The following ATAD2B variants were observed in gnomAD, a reference collection of about 807,000 sequenced individuals.
ATAD2B encodes the protein ATPase family AAA domain containing 2B.
Under a neutral mutation model 167.6 loss-of-function variants are expected in ATAD2B, and 40 were observed. The ratio of observed to expected loss-of-function variants is 0.24; its 90% CI spans 0.19 to 0.31. ATAD2B has a LOEUF of 0.31. Among genes scored for constraint, ATAD2B ranks in the 10% least tolerant of loss-of-function variants. The pLI, the probability that ATAD2B is intolerant of heterozygous loss-of-function variation, is 1.00. For synonymous variants in ATAD2B, 579 were observed against 596.5 expected (o/e 0.97, Z 0.43); for missense variants, 1,242 against 1,757.2 (o/e 0.71, Z 5.24).
the ATAD2B span, among the ~76,000 whole-genome samples, chr2:23,687,002 C>G: frequency 6.6e-6 from 1 of 152,170 alleles, no homozygotes; most frequent in Non-Finnish European, 1.5e-5. Context: ...GAGAATTTCA[C>G]ATTCTTGGTG....
intron 16 of ATAD2B, among the ~76,000 whole-genome samples, chr2:23,822,637 C>T (rs1000192119): frequency 3.4e-5 from 5 of 148,022 alleles, no homozygotes; most frequent in Admixed American, 2.7e-4. Flanking sequence ...ATTAACAGGC[C>T]GGGCGGGGTG....
the ATAD2B span, among the ~76,000 whole-genome samples, chr2:23,719,248 C>T: frequency 1.3e-5 from 2 of 151,930 alleles, no homozygotes; most frequent in Admixed American, 6.6e-5. Context: ...GTAACAGGGC[C>T]CAGAACAGCA....
chr2:23,837,644 G>A (rs538986902), intron 13 of ATAD2B, among the ~76,000 whole-genome samples: 15 of 152,310 alleles, frequency 9.8e-5, no homozygotes, highest in Admixed American at 4.6e-4. Context: ...ATGGCCTGCC[G>A]CTGCCATCAC....
intron 6 of ATAD2B, among the ~76,000 whole-genome samples, chr2:23,881,355 CAATTCTT>C (rs1558721805): frequency 1.5e-5 from 2 of 131,846 alleles, no homozygotes; most frequent in Non-Finnish European, 3.1e-5. Context: ...CATGAGTGAT[CAATTCTT>C]TTTTTTTTTT....
intron 19 of ATAD2B, among the ~76,000 whole-genome samples, chr2:23,794,262 A>G (rs1366672774): frequency 6.6e-6 from 1 of 152,240 alleles, no homozygotes; most frequent in Non-Finnish European, 1.5e-5. Context: ...CGCTTGCCTC[A>G]GCCTTTCAAA....
rs1483249992 is a variant in ATAD2B at position 23,786,211 on chromosome 2, A to G, written c.2789T>C (p.Met930Thr). ...PRRKHAALCA[M>T]EVLPLALPSP... ...AGGTAGTGCAAGAGGAAGCACTTCC[A>G]TAGCACAAAGAGCTAGAGAAAACAG... The change falls in exon 21 of 28, where the codon ATG becomes ACG. Residue 930 changes from methionine (M) to threonine (T), a missense_variant. Physicochemically the swap from Met to Thr is moderately conservative, Grantham distance 81. Around this residue, in one of 9 missense-constraint regions of ATAD2B, gnomAD observed 204 missense variants for 324.0 expected, o/e 0.63. Transcript: ENST00000238789. The G allele has an allele frequency of 1.3e-6, 2 of 1,577,926 alleles. No homozygotes were observed. Among genetic ancestry groups the G allele is most frequent in the South Asian group, 1.2e-5 (1 of 86,124 alleles).
intron 13 of ATAD2B, among the ~76,000 whole-genome samples, chr2:23,852,582 T>C (rs866032437): frequency 9.2e-5 from 14 of 152,220 alleles, no homozygotes; most frequent in Admixed American, 1.3e-4. Flanking sequence ...CAATATATTA[T>C]GAGCAAGTGA....
chr2:23,720,476 AAGG>A, the ATAD2B span, among the ~76,000 whole-genome samples: 1 of 151,520 alleles, frequency 6.6e-6, no homozygotes, highest in Non-Finnish European at 1.5e-5. Flanking sequence ...CAGGAGGCTG[AAGG>A]AGGAGAATCA....
the ATAD2B span, among the ~76,000 whole-genome samples, chr2:23,743,153 A>G: frequency 1.3e-5 from 2 of 152,212 alleles, no homozygotes; most frequent in Non-Finnish European, 2.9e-5. Context: ...AAAAAAAAAA[A>G]AAATGACTAT....
chr2:23,701,519 C>T, the ATAD2B span, among the ~76,000 whole-genome samples: 1 of 152,152 alleles, frequency 6.6e-6, no homozygotes, highest in African/African-American at 2.4e-5. Context: ...TCGAGACCAG[C>T]CTGGGCAACA....
At chr2:23,872,764 C>T (rs1696199694) in intron 8 of ATAD2B, 2 of 951,734 alleles carry the variant, frequency 2.1e-6, no homozygotes, top group South Asian at 2.6e-5. Context: ...ACCAAGTCCT[C>T]ACTACAGGCA....
chr2:23,891,447 G>A (rs1388943401), intron 2 of ATAD2B, among the ~76,000 whole-genome samples: 1 of 151,984 alleles, frequency 6.6e-6, no homozygotes, highest in Non-Finnish European at 1.5e-5. Flanking sequence ...AAGAAGGAAG[G>A]TGGGTTGGAG....
chr2:23,848,409 G>C (rs1208446061), intron 13 of ATAD2B, among the ~76,000 whole-genome samples: 1 of 152,124 alleles, frequency 6.6e-6, no homozygotes, highest in Non-Finnish European at 1.5e-5. Context: ...GAACCCGGGA[G>C]GCAGAGGTTG....
chr2:23,684,594 C>T, the ATAD2B span: 25 of 1,445,032 alleles, frequency 1.7e-5, no homozygotes, highest in African/African-American at 5.8e-5. This position sits in a 1 kb window ranked among gnomAD's most constrained non-coding sequence, Gnocchi z 4.4. Context: ...GCTTTTGTGT[C>T]GCTTTTCTCT....
chr2:23,705,958 C>A, the ATAD2B span, among the ~76,000 whole-genome samples: 509 of 152,344 alleles, frequency 3.3e-3, 3 homozygotes, highest in African/African-American at 0.011. Flanking sequence ...GGTCACCCTG[C>A]AGAGCATGCC....
At chr2:23,772,618 C>T (rs145519546) in intron 22 of ATAD2B, among the ~76,000 whole-genome samples, 1 of 149,904 alleles carries the variant, frequency 6.7e-6, no homozygotes, top group Admixed American at 6.7e-5. Flanking sequence ...CTAAATTAAG[C>T]AAGAAAAAAG....
intron 13 of ATAD2B, among the ~76,000 whole-genome samples, chr2:23,854,857 T>C (rs1693119614): frequency 6.6e-6 from 1 of 152,050 alleles, no homozygotes; most frequent in Admixed American, 6.6e-5. Flanking sequence ...AAGTCCTAAC[T>C]AAGCAAACAA....
intron 6 of ATAD2B, among the ~76,000 whole-genome samples, chr2:23,882,759 G>A (rs1178293162): frequency 2.0e-5 from 3 of 151,492 alleles, no homozygotes; most frequent in Admixed American, 6.6e-5. Flanking sequence ...GCAGTGAGCC[G>A]AGACTGCACC....
intron 13 of ATAD2B, among the ~76,000 whole-genome samples, chr2:23,837,738 T>G (rs1230701578): frequency 6.6e-6 from 1 of 151,624 alleles, no homozygotes; most frequent in Non-Finnish European, 1.5e-5. Flanking sequence ...ATCTAGGGGG[T>G]TTTTAAATGT....
Sources: gnomAD v4.1 joint callset for allele counts (sites outside exome capture counted in the v4.1 genomes callset) on GRCh38, gnomAD v4.1.1 for gene constraint, gnomAD v4.1.1 regional missense constraint, Gnocchi (gnomAD v3.1) non-coding constraint, MANE v1.5 for transcripts, NCBI Gene and HGNC (gene_info 2026-07-23, HGNC 2026-07-21) for gene names.